Variants in GALNTL6 observed in about 807,000 individuals in gnomAD.
GALNTL6 encodes the protein polypeptide N-acetylgalactosaminyltransferase like 6.
A neutral mutation model predicts 73.7 loss-of-function variants in GALNTL6; 46 were observed. The ratio of observed to expected loss-of-function variants is 0.62; its 90% confidence interval spans 0.49 to 0.80. The LOEUF is 0.80. GALNTL6 is among the 30% of genes least tolerant of loss of function. The probability of loss-of-function intolerance (pLI) is 0.00; values close to 1 mark genes in which losing one functional copy is unlikely to be tolerated. For synonymous variants in GALNTL6, 259 were observed against 263.7 expected, an observed-to-expected ratio of 0.98 and a Z score of 0.17; for missense variants, 604 against 755.0, an observed-to-expected ratio of 0.80 and a Z score of 2.34.
At chr4:172,213,098 C>CA (rs1311209420) in intron 2 of GALNTL6, among the ~76,000 whole-genome samples, 1 of 107,980 alleles carries the variant, frequency 9.3e-6, no homozygotes, top group Non-Finnish European at 2.2e-5. Context: ...TAAGTTTCAT[C>CA]CTTTTTTTTT....
At chr4:171,960,643 A>G (rs139254622) in intron 2 of GALNTL6, among the ~76,000 whole-genome samples, 15 of 149,884 alleles carry the variant, frequency 1.0e-4, no homozygotes, top group African/African-American at 3.5e-4. Context: ...TAAAATGTAT[A>G]TATAAATTTT....
intron 5 of GALNTL6, among the ~76,000 whole-genome samples, chr4:172,443,021 T>C (rs1320709308): frequency 6.7e-6 from 1 of 150,040 alleles, no homozygotes; most frequent in African/African-American, 2.4e-5. Context: ...AATATTTTGG[T>C]CTTTTTCATT....
chr4:173,028,668 T>C (rs73872309), intron 12 of GALNTL6, among the ~76,000 whole-genome samples: 3,850 of 152,266 alleles, frequency 0.025, 160 homozygotes, highest in African/African-American at 0.088. Flanking sequence ...GAACCACTAG[T>C]TCAATTATTG....
intron 5 of GALNTL6, among the ~76,000 whole-genome samples, chr4:172,678,350 A>ATT (rs56057771): frequency 0.96 from 142,834 of 148,914 alleles, 68,620 homozygotes; most frequent in Non-Finnish European, 0.99. Context: ...ACTAATTACT[A>ATT]TTTTTTTTTT....
At chr4:172,868,544 T>C (rs1410046147) in intron 7 of GALNTL6, among the ~76,000 whole-genome samples, 1 of 152,212 alleles carries the variant, frequency 6.6e-6, no homozygotes, top group East Asian at 1.9e-4. Context: ...CACCAGTGGA[T>C]CTTTGCAAGC....
At chr4:172,364,485 C>G (rs1445022595) in intron 5 of GALNTL6, among the ~76,000 whole-genome samples, 1 of 151,986 alleles carries the variant, frequency 6.6e-6, no homozygotes, top group Non-Finnish European at 1.5e-5. Context: ...TCAGGGGAGT[C>G]TTATATTAAA....
chr4:172,615,205 G>T (rs528369215), intron 5 of GALNTL6, among the ~76,000 whole-genome samples: 1 of 140,580 alleles, frequency 7.1e-6, no homozygotes, highest in African/African-American at 2.7e-5. Flanking sequence ...AAAAAAAAAA[G>T]ACTAGTCTAA....
chr4:172,011,418 C>T (rs1023796608), intron 2 of GALNTL6, among the ~76,000 whole-genome samples: 13 of 152,082 alleles, frequency 8.5e-5, no homozygotes, highest in African/African-American at 2.4e-4. Flanking sequence ...AAGTCTGTGA[C>T]TTTTTTTATT....
chr4:172,158,841 CAAA>C (rs1734365554), intron 2 of GALNTL6, among the ~76,000 whole-genome samples: 1 of 151,750 alleles, frequency 6.6e-6, no homozygotes, highest in Non-Finnish European at 1.5e-5. Context: ...CTAAATCAGA[CAAA>C]GAATTTAGCT....
intron 3 of GALNTL6, among the ~76,000 whole-genome samples, chr4:172,279,553 A>G (rs961528519): frequency 2.6e-5 from 4 of 152,190 alleles, no homozygotes; most frequent in Non-Finnish European, 5.9e-5. Context: ...ATTAAAAAGT[A>G]AAACAGAAAG....
At chr4:172,279,169 T>C (rs746827621) in intron 3 of GALNTL6, among the ~76,000 whole-genome samples, 2 of 152,096 alleles carry the variant, frequency 1.3e-5, no homozygotes, top group Non-Finnish European at 2.9e-5. Flanking sequence ...AGCAATTTCT[T>C]GAATATGACA....
intron 2 of GALNTL6, among the ~76,000 whole-genome samples, chr4:171,837,935 G>T (rs1041566197): frequency 5.3e-5 from 8 of 151,168 alleles, no homozygotes; most frequent in African/African-American, 1.9e-4. Context: ...ACTAGGTTAT[G>T]AAATGAGAGT....
intron 2 of GALNTL6, among the ~76,000 whole-genome samples, chr4:171,930,400 C>T (rs1226040727): frequency 6.6e-6 from 1 of 152,172 alleles, no homozygotes; most frequent in African/African-American, 2.4e-5. Flanking sequence ...ACTCAACAAA[C>T]ACCCTAGGAA....
rs1445575688 is a variant in GALNTL6 at position 172,815,350 on chromosome 4, G to A, written c.923+1627G>A. Among the ~76,000 whole-genome samples the A allele has an allele frequency of 2.6e-5, 4 of 152,110 alleles. No homozygotes were observed. In the East Asian group the frequency reaches 5.8e-4, roughly 22 times the overall value. Reference sequence around the variant, plus strand: ...AATTTTTAAAACATGCGTGTGGAGAGGAGTACAAAAGGGCCTTAACCGTGG... The same window carrying A: ...AATTTTTAAAACATGCGTGTGGAGAAGAGTACAAAAGGGCCTTAACCGTGG... On this transcript the variant is annotated intron_variant, in intron 7 of 12. Transcript: ENST00000506823.
intron 2 of GALNTL6, among the ~76,000 whole-genome samples, chr4:171,823,559 A>C (rs1734738214): frequency 1.6e-5 from 2 of 128,918 alleles, no homozygotes; most frequent in Non-Finnish European, 3.3e-5. Context: ...AACTGTGAAT[A>C]TATATATATG....
At chr4:172,682,116 T>C (rs1287256580) in intron 5 of GALNTL6, among the ~76,000 whole-genome samples, 1 of 152,160 alleles carries the variant, frequency 6.6e-6, no homozygotes, top group Non-Finnish European at 1.5e-5. Flanking sequence ...TGACAGAATT[T>C]GGTGCACAGA....
chr4:172,751,293 C>T (rs1579434988), intron 5 of GALNTL6, among the ~76,000 whole-genome samples: 1 of 152,172 alleles, frequency 6.6e-6, no homozygotes, highest in East Asian at 1.9e-4. Flanking sequence ...GTGATTTTAA[C>T]TGTAGGTGTT....
rs1021378589 is a variant in GALNTL6, at chr4:172,639,773, A to T, written c.554-169588A>T. Among the ~76,000 whole-genome samples, 6 of 152,068 alleles carry T rather than the reference A, an allele frequency of 3.9e-5. 1 individual carries two copies. The East Asian group carries it at 5.8e-4, about 15-fold the overall frequency. On this transcript the variant is annotated intron_variant, in intron 5 of 12. Coordinates refer to ENST00000506823, the MANE Select transcript of GALNTL6 (RefSeq NM_001034845.3). Reference sequence around the variant, plus strand: ...CCCACCATAATATCTACTTGCTGGCATCTGCACTCACACTGGCTCCCACTG... The same window carrying T: ...CCCACCATAATATCTACTTGCTGGCTTCTGCACTCACACTGGCTCCCACTG...
chr4:172,239,750 C>T (rs981974397), intron 3 of GALNTL6, among the ~76,000 whole-genome samples: 3 of 151,914 alleles, frequency 2.0e-5, no homozygotes, highest in South Asian at 2.1e-4. Flanking sequence ...CTTAATGCTG[C>T]GTTGTGTGGT....
Sources: allele counts gnomAD v4.1 joint callset (sites outside exome capture counted in the v4.1 genomes callset), GRCh38; gene constraint gnomAD v4.1.1; transcripts MANE v1.5; gene names NCBI Gene and HGNC (gene_info 2026-07-23, HGNC 2026-07-21).